The following HDAC11 variants were observed in gnomAD, a reference collection of about 807,000 sequenced individuals.
The protein encoded by HDAC11 is histone deacetylase 11.
A neutral mutation model predicts 41.1 loss-of-function variants in HDAC11; 23 were observed. The observed-to-expected ratio is 0.56, with a 90% CI of 0.40 to 0.79. The LOEUF is 0.79. Ranked by LOEUF, HDAC11 falls within the 30% of genes least tolerant of loss-of-function variation. The pLI is 0.00. For synonymous variants in HDAC11, 187 were observed against 186.6 expected (o/e 1.00, Z -0.02); for missense variants, 402 against 477.3 (o/e 0.84, Z 1.47).
chr3:13,486,263 A>G (rs552854047), intron 3 of HDAC11, among the ~76,000 whole-genome samples: 119 of 111,120 alleles, frequency 1.1e-3, no homozygotes, highest in Non-Finnish European at 1.8e-3. Context: ...GTGAAACTCC[A>G]TCTCAAAAAA....
intron 8 of HDAC11, 106 bp from the exon 9 acceptor site, chr3:13,503,988 C>A: frequency 1.9e-6 from 2 of 1,054,198 alleles, no homozygotes; most frequent in Non-Finnish European, 1.4e-6. Context: ...CTGAGCAGTG[C>A]TGAATCTGAC....
rs966573525 is a variant in HDAC11, at chr3:13,505,077, G to T, written c.*394G>T. The T allele has an allele frequency of 3.6e-6, 1 of 276,678 alleles. No individual in the cohort carries two copies. Among genetic ancestry groups the T allele is most frequent in the Non-Finnish European group, 7.1e-6 (1 of 141,724 alleles). 17.1% of individuals were successfully genotyped at this position (276,678 alleles called of 1,614,324 possible). A position where few individuals can be genotyped will look rare whatever the true frequency, so the allele number is the denominator to read the frequency against. Reference sequence around the variant, plus strand: ...GTGAGGAAGCTTCCACCTCCATCCTGACTAGGCCTGCATCCTAACTGGGCC... The same window carrying T: ...GTGAGGAAGCTTCCACCTCCATCCTTACTAGGCCTGCATCCTAACTGGGCC... On this transcript the variant is annotated 3_prime_UTR_variant, in exon 10 of 10. Coordinates refer to ENST00000295757, the MANE Select transcript of HDAC11 (RefSeq NM_024827.4).
chr3:13,484,243 C>T lies in HDAC11; in HGVS notation c.252+679C>T, dbSNP rs543640111. The stretch of plus-strand genomic sequence containing the variant: ...CCTCCCAAAGTGCTGGGGTTACAGG[C>T]GTGAGCCACCGCACCCACCCTATTT... On this transcript the variant is annotated intron_variant, in intron 3 of 9. Coordinates refer to ENST00000295757, the MANE Select transcript of HDAC11 (RefSeq NM_024827.4). 2.3e-4 allele frequency among the ~76,000 whole-genome samples: 35 copies of T among 152,312 alleles called. No homozygotes were observed. The South Asian group carries it at 2.5e-3, about 11-fold the overall frequency.
At chr3:13,496,594 A>G (rs984855818) in intron 3 of HDAC11, 142 bp from the exon 4 acceptor site, 8 of 603,602 alleles carry the variant, frequency 1.3e-5, no homozygotes, top group Non-Finnish European at 2.4e-5. Flanking sequence ...TCTCATTTCT[A>G]CCAAAGGAAG....
intron 3 of HDAC11, among the ~76,000 whole-genome samples, chr3:13,490,074 A>G (rs142215039): frequency 1.3e-5 from 2 of 151,044 alleles, no homozygotes; most frequent in African/African-American, 4.9e-5. Context: ...GCTCACTGCA[A>G]CCTCCGCCTT....
At chr3:13,495,956 A>G (rs2125007626) in intron 3 of HDAC11, among the ~76,000 whole-genome samples, 1 of 152,364 alleles carries the variant, frequency 6.6e-6, no homozygotes, top group South Asian at 2.1e-4. Flanking sequence ...TCCAGTGCCC[A>G]CCTGGGGCAC....
intron 2 of HDAC11, among the ~76,000 whole-genome samples, chr3:13,483,237 G>A (rs1057367529): frequency 1.3e-5 from 2 of 152,130 alleles, no homozygotes; most frequent in Non-Finnish European, 2.9e-5. Flanking sequence ...GGAAACATGG[G>A]GATTGCTGTG....
intron 3 of HDAC11, among the ~76,000 whole-genome samples, chr3:13,492,752 C>A (rs1380880417): frequency 6.6e-6 from 1 of 152,140 alleles, no homozygotes; most frequent in Non-Finnish European, 1.5e-5. Context: ...CCATGTTGGC[C>A]AGGCTGGTCG....
intron 3 of HDAC11, among the ~76,000 whole-genome samples, chr3:13,486,902 A>G (rs1209455304): frequency 1.3e-5 from 2 of 152,116 alleles, no homozygotes; most frequent in Admixed American, 1.3e-4. Flanking sequence ...TTGAAGGAAG[A>G]ATGTTTCAGA....
In HDAC11 at chr3:13,504,188, G is replaced by A. The variant is rs201545111; in HGVS notation, c.744G>A (p.Glu248=). 1.7e-5 allele frequency: 28 copies of A among 1,614,014 alleles called. No homozygotes were observed. The East Asian group carries it at 5.8e-4, about 33-fold the overall frequency. Residue 248 remains glutamate (E), a synonymous_variant, in exon 9 of 10, where the codon GAG becomes GAA. Transcript: ENST00000295757. ...GGAACATCAAGAAATCCCTCCAGGA[G>A]CACCTGCCCGACGTGGTGGTATACA... The part of the protein sequence containing the change: ...VERNIKKSLQ[E]HLPDVVVYNA...
intron 7 of HDAC11, 59 bp downstream of exon 7, chr3:13,501,992 T>A: frequency 1.4e-6 from 2 of 1,445,132 alleles, no homozygotes; most frequent in Non-Finnish European, 1.9e-6. Flanking sequence ...TTCCAGAATC[T>A]TCCCGGGGCA....
At chr3:13,488,518 A>T (rs1442259231) in intron 3 of HDAC11, among the ~76,000 whole-genome samples, 4 of 152,218 alleles carry the variant, frequency 2.6e-5, no homozygotes, top group African/African-American at 9.6e-5. Context: ...GAATCATACA[A>T]TATGTGACCT....
chr3:13,481,486 C>G lies in HDAC11; in HGVS notation c.151+92C>G. ...CCCAACATAAGCCTCAGGCTCTCTC[C>G]CATCTTCAGTTTCAGCCCTCGGATG... On this transcript the variant is annotated intron_variant, in intron 2 of 9. Transcript: ENST00000295757. The G allele has an allele frequency of 2.0e-6, 3 of 1,465,136 alleles. No individual in the cohort carries two copies. The Admixed American group carries it at 5.6e-5, about 27-fold the overall frequency. The allele number at this position is 1,465,136 out of a possible 1,614,324, so 90.8% of individuals were successfully genotyped here. A position where few individuals can be genotyped will look rare whatever the true frequency, so the allele number is the denominator to read the frequency against.
At position 13,502,835 on chromosome 3, in the gene HDAC11, C is replaced by T; in HGVS notation, c.553-49C>T. 2 of 1,478,128 alleles carry T rather than the reference C, an allele frequency of 1.4e-6. No homozygotes were observed. Among genetic ancestry groups the T allele is most frequent in the Non-Finnish European group, 1.9e-6 (2 of 1,059,794 alleles). 91.6% of individuals were successfully genotyped at this position (1,478,128 alleles called of 1,614,324 possible). ...GGGTGGGTGGGTGGCAGAGCCCCAG[C>T]CTTGCCTAGGGCACCTACCCGAGAG... On this transcript the variant is annotated intron_variant, in intron 7 of 9. Coordinates refer to ENST00000295757, the MANE Select transcript of HDAC11 (RefSeq NM_024827.4). This position sits in a 1 kb window ranked among gnomAD's most constrained non-coding sequence, Gnocchi z 4.1.
intron 3 of HDAC11, among the ~76,000 whole-genome samples, chr3:13,486,548 G>A (rs1015894740): frequency 2.0e-5 from 3 of 148,604 alleles, no homozygotes; most frequent in East Asian, 2.0e-4. Context: ...AAACAAAGGA[G>A]CAGGTGATAC....
chr3:13,488,540 C>G (rs1283819343), intron 3 of HDAC11, among the ~76,000 whole-genome samples: 1 of 152,172 alleles, frequency 6.6e-6, no homozygotes, highest in Non-Finnish European at 1.5e-5. Context: ...TTGTGTCTGG[C>G]TTATCTCACT....
chr3:13,503,737 T>C (rs1184922388), intron 8 of HDAC11, among the ~76,000 whole-genome samples: 3 of 152,172 alleles, frequency 2.0e-5, no homozygotes, highest in South Asian at 2.1e-4. Context: ...CAGCAGCTAG[T>C]ATGGCCCAAG....
chr3:13,494,942 G>A (rs555951958), intron 3 of HDAC11, among the ~76,000 whole-genome samples: 11 of 152,152 alleles, frequency 7.2e-5, no homozygotes, highest in African/African-American at 2.2e-4. Flanking sequence ...TCTGAGGTTC[G>A]TCACCCCTCT....
chr3:13,485,905 A>G (rs1701538593), intron 3 of HDAC11, among the ~76,000 whole-genome samples: 1 of 152,184 alleles, frequency 6.6e-6, no homozygotes, highest in Admixed American at 6.5e-5. Flanking sequence ...CCAGCTGCAT[A>G]TTTGGCTTGG....
Sources: allele counts gnomAD v4.1 joint callset (sites outside exome capture counted in the v4.1 genomes callset), GRCh38; gene constraint gnomAD v4.1.1; non-coding constraint Gnocchi (gnomAD v3.1); transcripts MANE v1.5; gene names NCBI Gene and HGNC (gene_info 2026-07-23, HGNC 2026-07-21).